Variants in PROM2 observed in about 807,000 individuals in gnomAD.
The protein encoded by PROM2 is prominin-2.
In PROM2, 90 loss-of-function variants were observed where a neutral mutation model predicts 110.2. That is an observed-to-expected ratio of 0.82 (90% CI 0.69 to 0.97). The LOEUF (loss-of-function observed/expected upper bound fraction) is 0.97, where lower values mean the gene tolerates loss of function less well. Among genes scored for constraint, PROM2 ranks in the 50% least tolerant of loss-of-function variants. The probability of loss-of-function intolerance (pLI) is 0.00; values close to 1 mark genes in which losing one functional copy is unlikely to be tolerated. For missense variants in PROM2, 1,009 were observed against 1,074.8 expected, an observed-to-expected ratio of 0.94 and a Z score of 0.86; for synonymous variants, 470 against 467.8, an observed-to-expected ratio of 1.00 and a Z score of -0.06.
rs1677492660 is a variant in PROM2 at position 95,288,243 on chromosome 2, C to T, written c.2277C>T (p.Leu759=). 6.2e-7 allele frequency: 1 copy of T among 1,613,938 alleles called. No individual in the cohort carries two copies. The highest frequency in any genetic ancestry group is 1.3e-5 in the African/African-American group (1 of 74,936). ...VTQRIATCQP[L]SGALDNSRVI... ...AGCGCATTGCCACCTGCCAGCCCCT[C>T]TCCGGAGCCCTGGACAACAGCCGTG... is the stretch of plus-strand genomic sequence containing the variant. Residue 759 remains leucine, a synonymous_variant, in exon 21 of 24, where the codon CTC becomes CTT. Coordinates refer to ENST00000317620, the MANE Select transcript of PROM2 (RefSeq NM_001165978.3).
Position 95,275,721 on chromosome 2 carries a change from G to A in PROM2, c.295-209G>A, listed in dbSNP as rs1411060200. 11 of 1,440,252 alleles carry A rather than the reference G, an allele frequency of 7.6e-6. No individual in the cohort carries two copies. Among genetic ancestry groups the A allele is most frequent in the Admixed American group, 2.5e-5 (1 of 39,388 alleles). 89.2% of individuals were successfully genotyped at this position (1,440,252 alleles called of 1,614,324 possible). On this transcript the variant is annotated intron_variant, in intron 2 of 23. Coordinates refer to ENST00000317620, the MANE Select transcript of PROM2 (RefSeq NM_001165978.3). The surrounding 1 kb of genome is among the most constrained non-coding windows in gnomAD (Gnocchi z 4.4). ...CATTTACTGGCAGTGAGGTTTGCAG[G>A]GAGCTGGAACTTCCTGAACTTCAGC...
rs751957634 is a variant in PROM2 at position 95,277,345 on chromosome 2, C to T, written c.773-19C>T. The T allele has an allele frequency of 2.1e-5, 33 of 1,596,720 alleles. No homozygotes were observed. The highest frequency in any genetic ancestry group is 2.8e-5 in the Non-Finnish European group (33 of 1,170,350). On this transcript the variant is annotated intron_variant, in intron 6 of 23. Coordinates refer to ENST00000317620, the MANE Select transcript of PROM2 (RefSeq NM_001165978.3). ...ATGCATATGGTGGACCCTGCTCAGG[C>T]TGGGTGTGGGTCTCTCAGTCCTGCA... is the stretch of plus-strand genomic sequence containing the variant.
chr2:95,279,506 A>G (rs1391179277), intron 10 of PROM2, among the ~76,000 whole-genome samples: 2 of 152,072 alleles, frequency 1.3e-5, no homozygotes, highest in Non-Finnish European at 2.9e-5. Flanking sequence ...CATGTTGGCC[A>G]GGATTGTCTC....
At chr2:95,282,116 C>A in intron 13 of PROM2, 26 bp from the exon 14 acceptor site, 1 of 1,607,984 alleles carries the variant, frequency 6.2e-7, no homozygotes, top group Non-Finnish European at 8.5e-7. Context: ...CAAGGCTCAT[C>A]GTCTGCACCC....
At chr2:95,288,872 T>A in intron 22 of PROM2, 61 bp from the exon 23 acceptor site, 1 of 1,522,928 alleles carries the variant, frequency 6.6e-7, no homozygotes, top group Non-Finnish European at 9.1e-7. Flanking sequence ...GGTTTGTCCC[T>A]GTGTCAGGGC....
In PROM2 at chr2:95,283,648, G is replaced by A. The variant is rs529418685; in HGVS notation, c.1729-1321G>A. ...GTCTCTAACCACCTGTGTAACCTCG[G>A]CAAGTGGACGCTCCACTCTGACCTC... On this transcript the variant is annotated intron_variant, in intron 14 of 23. Coordinates refer to ENST00000317620, the MANE Select transcript of PROM2 (RefSeq NM_001165978.3). 7.2e-5 allele frequency among the ~76,000 whole-genome samples: 11 copies of A among 152,338 alleles called. No homozygotes were observed. The Middle Eastern group carries it at 0.014, about 188-fold the overall frequency.
intron 11 of PROM2, 148 bp from the exon 12 acceptor site, chr2:95,281,093 GC>G: frequency 9.7e-7 from 1 of 1,033,402 alleles, no homozygotes; most frequent in Non-Finnish European, 1.4e-6. Context: ...TCTCCAGGAG[GC>G]CAAGTCCTCC....
In PROM2 at chr2:95,277,685, A is replaced by G. The variant is rs1676757138; in HGVS notation, c.975+119A>G. 2.8e-6 allele frequency: 3 copies of G among 1,068,110 alleles called. 1 individual carries two copies. The highest frequency in any genetic ancestry group is 2.6e-6 in the Non-Finnish European group (2 of 761,374). 66.2% of individuals were successfully genotyped at this position (1,068,110 alleles called of 1,614,324 possible). ...TGTTCCTCCCTTGCTCCACCCACCC[A>G]GGGTTAATGCGGGTCATCCTGGCAG... is the stretch of plus-strand genomic sequence containing the variant. On this transcript the variant is annotated intron_variant, in intron 7 of 23. Coordinates refer to ENST00000317620, the MANE Select transcript of PROM2 (RefSeq NM_001165978.3).
In PROM2 at chr2:95,276,914, T is replaced by C. The variant is rs931624970; in HGVS notation, c.683-58T>C. The C allele has an allele frequency of 1.6e-5, 24 of 1,508,566 alleles. No individual in the cohort carries two copies. The highest frequency in any genetic ancestry group is 2.2e-5 in the Non-Finnish European group (24 of 1,109,016). The allele number at this position is 1,508,566 out of a possible 1,614,324, so 93.4% of individuals were successfully genotyped here. A position where few individuals can be genotyped will look rare whatever the true frequency, so the allele number is the denominator to read the frequency against. On this transcript the variant is annotated intron_variant, in intron 5 of 23. Coordinates refer to ENST00000317620, the MANE Select transcript of PROM2 (RefSeq NM_001165978.3). The surrounding 1 kb of genome is among the most constrained non-coding windows in gnomAD (Gnocchi z 4.6). ...GGGGCCTGGGGAGGCAGGATGGGAA[T>C]GGGGAGGGCCCCTCCACTCTTGGGG... is the stretch of plus-strand genomic sequence containing the variant.
rs1361145672 is a variant in PROM2 at position 95,275,103 on chromosome 2, C to T, written c.244+274C>T. ...TGACTCAGACATCCTCTTAGTCTAT[C>T]GGTGCTTGGGTTGGGTGGTCCAGGA... On this transcript the variant is annotated intron_variant, in intron 1 of 23. Coordinates refer to ENST00000317620, the MANE Select transcript of PROM2 (RefSeq NM_001165978.3). The surrounding 1 kb of genome is among the most constrained non-coding windows in gnomAD (Gnocchi z 4.4). 9 of 482,838 alleles carry T rather than the reference C, an allele frequency of 1.9e-5. No individual in the cohort carries two copies. Among genetic ancestry groups the T allele is most frequent in the South Asian group, 4.6e-5 (1 of 21,822 alleles). 29.9% of individuals were successfully genotyped at this position (482,838 alleles called of 1,614,324 possible).
chr2:95,288,842 G>A, intron 22 of PROM2, 91 bp from the exon 23 acceptor site: 2 of 1,334,846 alleles, frequency 1.5e-6, no homozygotes, highest in Non-Finnish European at 2.2e-6. Context: ...GGCTTCCGAG[G>A]AGAAACCCTC....
intron 6 of PROM2, 140 bp downstream of exon 6, chr2:95,277,201 G>T: frequency 9.0e-7 from 1 of 1,117,108 alleles, no homozygotes; most frequent in South Asian, 1.6e-5. Context: ...CCAGGATCCA[G>T]CCCCCCTCCC....
At chr2:95,281,795 C>G in intron 12 of PROM2, 130 bp from the exon 13 acceptor site, 1 of 699,418 alleles carries the variant, frequency 1.4e-6, no homozygotes, top group Non-Finnish European at 2.5e-6. Flanking sequence ...CAGGTGTGAG[C>G]TGGGGTGAGG....
rs746322807 is a variant in PROM2, at chr2:95,278,999, G to A, written c.1129G>A (p.Val377Met). The change falls in exon 10 of 24, where the codon GTG becomes ATG. Residue 377 changes from valine to methionine, a missense_variant. Transcript: ENST00000317620. The stretch of plus-strand genomic sequence containing the variant: ...ACTTTGGGCAGAGCTGAAGAAGGCA[G>A]TGGCCCAGCAGCCGGAAGGGGTGAG... ...SSVVQELKKAVAQQPEGVRTL... is the reference protein window; with the variant it reads ...SSVVQELKKAMAQQPEGVRTL... 6.8e-6 allele frequency: 11 copies of A among 1,606,570 alleles called. No individual in the cohort carries two copies. Among genetic ancestry groups the A allele is most frequent in the Non-Finnish European group, 9.4e-6 (11 of 1,176,152 alleles).
intron 21 of PROM2, 28 bp from the exon 22 acceptor site, chr2:95,288,455 G>T: frequency 6.2e-7 from 1 of 1,607,970 alleles, no homozygotes; most frequent in South Asian, 1.1e-5. Flanking sequence ...CACGTGGGTT[G>T]GTGAGCCGAC....
In PROM2 at chr2:95,276,466, C is replaced by T. The variant is rs548089131; in HGVS notation, c.618+119C>T. 2.1e-5 allele frequency: 34 copies of T among 1,591,604 alleles called. No homozygotes were observed. The highest frequency in any genetic ancestry group is 4.5e-5 in the South Asian group (4 of 89,176). ...CGCATCTGAAAGCCGCCTCCTCTCC[C>T]GCCCTTGCCTGAGAGTCGACCACCC... On this transcript the variant is annotated intron_variant, in intron 4 of 23. Coordinates refer to ENST00000317620, the MANE Select transcript of PROM2 (RefSeq NM_001165978.3). The surrounding 1 kb of genome is among the most constrained non-coding windows in gnomAD (Gnocchi z 4.6).
Position 95,287,447 on chromosome 2 carries a change from G to A in PROM2, c.2227G>A (p.Ala743Thr). Residue 743 changes from alanine to threonine, a missense_variant, in exon 20 of 24, where the codon GCC becomes ACC. Transcript: ENST00000317620. ...GATGGGCTACTTCTCCCAGTACGTG[G>A]CCTGGGTGAGAGAGGAGGTGAGTGG... ...REMGYFSQYV[A>T]WVREEVTQRI... The A allele has an allele frequency of 6.2e-7, 1 of 1,614,016 alleles. No individual in the cohort carries two copies. The highest frequency in any genetic ancestry group is 2.2e-5 in the East Asian group (1 of 44,866).
At position 95,277,352 on chromosome 2, in the gene PROM2, T is replaced by G; in HGVS notation, c.773-12T>G. The G allele has an allele frequency of 6.2e-7, 1 of 1,602,012 alleles. No homozygotes were observed. Among genetic ancestry groups the G allele is most frequent in the South Asian group, 1.1e-5 (1 of 89,386 alleles). The stretch of plus-strand genomic sequence containing the variant: ...TGGTGGACCCTGCTCAGGCTGGGTG[T>G]GGGTCTCTCAGTCCTGCAGGTCTCC... On this transcript the variant is annotated splice_polypyrimidine_tract_variant and intron_variant, in intron 6 of 23. Transcript: ENST00000317620.
intron 11 of PROM2, 144 bp from the exon 12 acceptor site, chr2:95,281,098 G>A (rs1677013964): frequency 5.4e-6 from 6 of 1,106,962 alleles, no homozygotes; most frequent in Non-Finnish European, 7.6e-6. Flanking sequence ...AGGAGGCCAA[G>A]TCCTCCAAGC....
Sources: gnomAD v4.1 joint callset for allele counts (sites outside exome capture counted in the v4.1 genomes callset) on GRCh38, gnomAD v4.1.1 for gene constraint, Gnocchi (gnomAD v3.1) non-coding constraint, MANE v1.5 for transcripts, NCBI Gene and HGNC (gene_info 2026-07-23, HGNC 2026-07-21) for gene names.